COL4A4: variants seen among roughly 807,000 people sequenced by gnomAD.
COL4A4 encodes the protein collagen alpha-4(IV) chain.
In COL4A4, 105 loss-of-function variants were observed where a neutral mutation model predicts 192.9. That is an observed-to-expected ratio of 0.54 (90% CI 0.46 to 0.64). The LOEUF is 0.64. Among genes scored for constraint, COL4A4 ranks in the 30% least tolerant of loss-of-function variants. The probability of loss-of-function intolerance (pLI) is 0.00; values close to 1 mark genes in which losing one functional copy is unlikely to be tolerated. For synonymous variants in COL4A4, 762 were observed against 769.9 expected (o/e 0.99, Z 0.17); for missense variants, 1,967 against 2,169.3 (o/e 0.91, Z 1.85).
intron 43 of COL4A4, among the ~76,000 whole-genome samples, chr2:227,023,570 A>T (rs1966438603): frequency 6.6e-6 from 1 of 152,242 alleles, no homozygotes; most frequent in Non-Finnish European, 1.5e-5. Flanking sequence ...ACAGAGGGAT[A>T]AGAAATAATA....
At chr2:227,130,708 A>G (rs1354670584) in intron 4 of COL4A4, among the ~76,000 whole-genome samples, 1 of 152,148 alleles carries the variant, frequency 6.6e-6, no homozygotes, top group East Asian at 1.9e-4. Context: ...TCTGAGTGCC[A>G]GTCACATATC....
chr2:227,051,235 T>C (rs1344026135), intron 32 of COL4A4, 77 bp from the exon 33 acceptor site: 4 of 1,449,982 alleles, frequency 2.8e-6, no homozygotes, highest in Non-Finnish European at 1.9e-6. Context: ...GACCTGGTCC[T>C]ACTTTTAGGA....
the COL4A4 span, among the ~76,000 whole-genome samples, chr2:226,975,276 TACACACACAAACACAC>T: frequency 6.6e-6 from 1 of 152,062 alleles, no homozygotes; most frequent in Non-Finnish European, 1.5e-5. Context: ...CTCATTTCAC[TACACACACAAACACAC>T]ACACACACAT....
chr2:227,149,093 C>T (rs559335640), intron 1 of COL4A4, among the ~76,000 whole-genome samples: 1 of 152,098 alleles, frequency 6.6e-6, no homozygotes, highest in Non-Finnish European at 1.5e-5. Context: ...AGGTGATCAG[C>T]CTGCCTCAGC....
chr2:227,012,811 G>A (rs1282874892), intron 44 of COL4A4, among the ~76,000 whole-genome samples: 2 of 152,170 alleles, frequency 1.3e-5, no homozygotes, highest in Non-Finnish European at 2.9e-5. Flanking sequence ...TTTTTACTGA[G>A]TGTTTACAAT....
chr2:227,082,082 A>T (rs1559573689), intron 23 of COL4A4, 33 bp downstream of exon 23: 1 of 1,579,238 alleles, frequency 6.3e-7, no homozygotes, highest in Non-Finnish European at 8.7e-7. Context: ...CATTCATAAA[A>T]TGGCAGGGAG....
chr2:227,009,794 C>T (rs545978970), intron 46 of COL4A4, among the ~76,000 whole-genome samples: 138 of 150,942 alleles, frequency 9.1e-4, no homozygotes, highest in African/African-American at 3.2e-3. Flanking sequence ...AGGGGAAGAG[C>T]GGAGAGCGGA....
downstream of COL4A4, among the ~76,000 whole-genome samples, chr2:227,002,052 C>T (rs1961093723): frequency 6.6e-6 from 1 of 151,758 alleles, no homozygotes; most frequent in Non-Finnish European, 1.5e-5. Flanking sequence ...ATGCTTGTAG[C>T]CCACCTACTG....
rs1413754502 is a variant in COL4A4 at position 227,087,305 on chromosome 2, C to A, written c.1623+1348G>T. Among the ~76,000 whole-genome samples the A allele has an allele frequency of 4.6e-5, 7 of 152,236 alleles. No homozygotes were observed. In the East Asian group the frequency reaches 1.3e-3, roughly 29 times the overall value. On this transcript the variant is annotated intron_variant, in intron 22 of 47. Coordinates refer to ENST00000396625, the MANE Select transcript of COL4A4 (RefSeq NM_000092.5). ...TATATCCCCAGCCCAAACCTCTCAT[C>A]TGAATCCTTAAGTTGAATATCATCC...
chr2:227,012,532 G>C (rs1963965683), intron 44 of COL4A4, among the ~76,000 whole-genome samples: 1 of 150,136 alleles, frequency 6.7e-6, no homozygotes. Context: ...ATTAAAGTCA[G>C]TGATCCCATA....
chr2:226,972,409 A>G, the COL4A4 span, among the ~76,000 whole-genome samples: 1 of 152,206 alleles, frequency 6.6e-6, no homozygotes, highest in Non-Finnish European at 1.5e-5. Context: ...GGGATTACCT[A>G]AAGAGCAGAG....
chr2:227,127,403 C>A (rs1213669332), intron 4 of COL4A4, among the ~76,000 whole-genome samples: 4 of 152,172 alleles, frequency 2.6e-5, no homozygotes, highest in Non-Finnish European at 4.4e-5. Flanking sequence ...GGCTCTCGGG[C>A]CAGCTGTACA....
At chr2:227,042,304 A>T (rs1392587008) in intron 36 of COL4A4, 49 bp from the exon 37 acceptor site, 1 of 1,046,852 alleles carries the variant, frequency 9.6e-7, no homozygotes, top group Non-Finnish European at 1.5e-6. Context: ...TAAATGAATT[A>T]CATTCACTGC....
chr2:227,052,772 T>G (rs904866617), intron 31 of COL4A4, among the ~76,000 whole-genome samples: 1 of 152,222 alleles, frequency 6.6e-6, no homozygotes, highest in African/African-American at 2.4e-5. Context: ...ATCTCATATT[T>G]CCAGTTCCAT....
At chr2:227,001,859 T>TGAA (rs1961038168), downstream of COL4A4, among the ~76,000 whole-genome samples, 3 of 152,178 alleles carry the variant, frequency 2.0e-5, no homozygotes, top group Admixed American at 1.3e-4. Flanking sequence ...CAAATACCAA[T>TGAA]GAAGTTCCTT....
At chr2:227,020,254 C>T in intron 44 of COL4A4, among the ~76,000 whole-genome samples, 1 of 151,668 alleles carries the variant, frequency 6.6e-6, no homozygotes, top group South Asian at 2.1e-4. Context: ...CAAATATATA[C>T]ACAAGGCAGC....
At chr2:227,015,285 G>A (rs1330892142) in intron 44 of COL4A4, among the ~76,000 whole-genome samples, 2 of 152,146 alleles carry the variant, frequency 1.3e-5, no homozygotes, top group Admixed American at 6.5e-5. Context: ...ATCATTACCA[G>A]TTGCTTATCG....
At chr2:227,060,270 G>A (rs1184516355) in intron 26 of COL4A4, 27 bp from the exon 27 acceptor site, 1 of 1,487,264 alleles carries the variant, frequency 6.7e-7, no homozygotes, top group Non-Finnish European at 9.4e-7. Flanking sequence ...ACAAAACACA[G>A]ACTCAATAAA....
At chr2:227,090,023 T>G in intron 20 of COL4A4, 66 bp from the exon 21 acceptor site, 1 of 1,339,714 alleles carries the variant, frequency 7.5e-7, no homozygotes, top group South Asian at 1.2e-5. Flanking sequence ...TTCTATAGAA[T>G]AAGTGACTTT....
Sources: gnomAD v4.1 joint callset for allele counts (sites outside exome capture counted in the v4.1 genomes callset) on GRCh38, gnomAD v4.1.1 for gene constraint, MANE v1.5 for transcripts, NCBI Gene and HGNC (gene_info 2026-07-23, HGNC 2026-07-21) for gene names.